Variants in KCNIP4 observed in about 807,000 individuals in gnomAD.
KCNIP4 encodes potassium voltage-gated channel interacting protein 4.
In KCNIP4, 12 loss-of-function variants were observed where a neutral mutation model predicts 34.0. That is an observed-to-expected ratio of 0.35 (90% CI 0.23 to 0.57). The LOEUF is 0.57. Among genes scored for constraint, KCNIP4 ranks in the 20% least tolerant of loss-of-function variants. KCNIP4 has a pLI of 0.83. For missense variants in KCNIP4, 238 were observed against 311.7 expected (o/e 0.76, Z 1.78); for synonymous variants, 124 against 102.2 (o/e 1.21, Z -1.29).
intron 6 of KCNIP4, among the ~76,000 whole-genome samples, chr4:20,734,206 T>A (rs1014572530): frequency 2.6e-5 from 4 of 152,208 alleles, no homozygotes; most frequent in Non-Finnish European, 4.4e-5. Flanking sequence ...TGCCTCAACG[T>A]GCATTTGGAG....
At chr4:21,817,619 T>C (rs750227374) in intron 1 of KCNIP4, among the ~76,000 whole-genome samples, 1 of 152,140 alleles carries the variant, frequency 6.6e-6, no homozygotes, top group African/African-American at 2.4e-5. Context: ...TTAGTATTAA[T>C]ACCCTGGGAA....
intron 1 of KCNIP4, among the ~76,000 whole-genome samples, chr4:20,935,715 A>G (rs1214465490): frequency 2.6e-5 from 4 of 152,184 alleles, no homozygotes; most frequent in Non-Finnish European, 5.9e-5. Context: ...TTCTTAGCAG[A>G]TGCAACTAAA....
intron 1 of KCNIP4, among the ~76,000 whole-genome samples, chr4:21,859,818 C>T (rs765316934): frequency 2.0e-5 from 3 of 151,924 alleles, no homozygotes; most frequent in Non-Finnish European, 4.4e-5. Flanking sequence ...CGCTTGAGCC[C>T]GGGAGTTGGA....
intron 1 of KCNIP4, among the ~76,000 whole-genome samples, chr4:21,927,584 C>A (rs1256338893): frequency 6.6e-6 from 1 of 152,134 alleles, no homozygotes; most frequent in East Asian, 1.9e-4. Flanking sequence ...CCATAACCCA[C>A]CTTAGAGCTG....
At chr4:21,776,969 C>T (rs1029199165) in intron 1 of KCNIP4, among the ~76,000 whole-genome samples, 1 of 152,076 alleles carries the variant, frequency 6.6e-6, no homozygotes, top group African/African-American at 2.4e-5. Flanking sequence ...GACAGGGTTT[C>T]ACCATATTGG....
intron 1 of KCNIP4, among the ~76,000 whole-genome samples, chr4:21,322,838 T>A (rs1578076823): frequency 2.0e-5 from 3 of 152,110 alleles, no homozygotes; most frequent in Admixed American, 2.0e-4. Flanking sequence ...CTAAATCACT[T>A]AAAAGATAAG....
intron 1 of KCNIP4, among the ~76,000 whole-genome samples, chr4:20,982,074 A>G (rs1393766231): frequency 6.6e-6 from 1 of 152,240 alleles, no homozygotes; most frequent in African/African-American, 2.4e-5. Flanking sequence ...ACATTGAAGA[A>G]TAAAAGCTGA....
intron 1 of KCNIP4, among the ~76,000 whole-genome samples, chr4:21,245,747 G>A (rs993464313): frequency 6.6e-6 from 1 of 152,086 alleles, no homozygotes; most frequent in African/African-American, 2.4e-5. Context: ...GACAGACCCA[G>A]GTGACCGTGC....
At chr4:21,587,535 C>T (rs1045719372) in intron 1 of KCNIP4, among the ~76,000 whole-genome samples, 6 of 122,282 alleles carry the variant, frequency 4.9e-5, no homozygotes, top group African/African-American at 1.9e-4. Flanking sequence ...GAAATGTGCT[C>T]TTCCCTGCAA....
intron 3 of KCNIP4, among the ~76,000 whole-genome samples, chr4:20,826,688 G>A (rs1717802758): frequency 6.6e-6 from 1 of 152,122 alleles, no homozygotes; most frequent in Non-Finnish European, 1.5e-5. Flanking sequence ...GTACTCAGGT[G>A]CCTTAACTTT....
chr4:21,551,234 T>C (rs903610366), intron 1 of KCNIP4, among the ~76,000 whole-genome samples: 1 of 152,170 alleles, frequency 6.6e-6, no homozygotes, highest in Non-Finnish European at 1.5e-5. Context: ...GGCATCATTA[T>C]ATTTGGAAAA....
intron 1 of KCNIP4, among the ~76,000 whole-genome samples, chr4:21,811,886 T>G (rs182394167): frequency 1.3e-5 from 2 of 152,304 alleles, no homozygotes; most frequent in Admixed American, 1.3e-4. Flanking sequence ...TTGTCATGGT[T>G]ACAAATGAGG....
In KCNIP4 at chr4:21,875,217, T is replaced by C. The variant is rs1187943229; in HGVS notation, c.61+73354A>G. The stretch of plus-strand genomic sequence containing the variant: ...GACTTGGGTCTGTCTGATTCCTGAG[T>C]TCATGCCCTTTCCCACTATTTGAGA... On this transcript the variant is annotated intron_variant, in intron 1 of 8. Coordinates refer to ENST00000382152, the MANE Select transcript of KCNIP4 (RefSeq NM_025221.6). Among the ~76,000 whole-genome samples, 3 of 152,260 alleles carry C rather than the reference T, an allele frequency of 2.0e-5. No individual in the cohort carries two copies. In the East Asian group the frequency reaches 5.8e-4, roughly 29 times the overall value.
intron 1 of KCNIP4, among the ~76,000 whole-genome samples, chr4:21,798,536 A>G (rs1720780772): frequency 7.4e-6 from 1 of 134,442 alleles, no homozygotes; most frequent in Non-Finnish European, 1.6e-5. Context: ...AAAAAAAGGA[A>G]AGAGAGAGAG....
At chr4:21,899,811 T>C (rs1727608439) in intron 1 of KCNIP4, among the ~76,000 whole-genome samples, 1 of 152,120 alleles carries the variant, frequency 6.6e-6, no homozygotes, top group South Asian at 2.1e-4. Context: ...AATAGAAAGA[T>C]ATCCCATGTT....
intron 1 of KCNIP4, among the ~76,000 whole-genome samples, chr4:21,125,947 G>T (rs1750578410): frequency 6.6e-6 from 1 of 151,840 alleles, no homozygotes; most frequent in South Asian, 2.1e-4. Context: ...GGATGGCAGG[G>T]GTTACTATAT....
intron 1 of KCNIP4, among the ~76,000 whole-genome samples, chr4:20,890,232 C>T (rs1051278304): frequency 7.2e-5 from 11 of 151,808 alleles, no homozygotes; most frequent in East Asian, 1.9e-4. Flanking sequence ...GGACCTTACA[C>T]GATATTTAGG....
intron 1 of KCNIP4, among the ~76,000 whole-genome samples, chr4:21,246,823 A>G (rs981047398): frequency 6.6e-6 from 1 of 152,180 alleles, no homozygotes; most frequent in Admixed American, 6.6e-5. Flanking sequence ...AATTGGACCT[A>G]ATTTTTCTTT....
chr4:21,583,092 T>C (rs1741358504), intron 1 of KCNIP4, among the ~76,000 whole-genome samples: 1 of 151,978 alleles, frequency 6.6e-6, no homozygotes, highest in African/African-American at 2.4e-5. Context: ...ATGTTTCCAT[T>C]TCCCCTTTGA....
Sources: allele counts gnomAD v4.1 joint callset (sites outside exome capture counted in the v4.1 genomes callset), GRCh38; gene constraint gnomAD v4.1.1; transcripts MANE v1.5; gene names NCBI Gene and HGNC (gene_info 2026-07-23, HGNC 2026-07-21).